STK11: variants seen among roughly 807,000 people sequenced by gnomAD.
STK11 encodes the protein serine/threonine kinase 11.
A neutral mutation model predicts 47.3 loss-of-function variants in STK11; 8 were observed. That is an observed-to-expected ratio of 0.17 (90% CI 0.10 to 0.31). The LOEUF (loss-of-function observed/expected upper bound fraction) is 0.31, where lower values mean the gene tolerates loss of function less well. STK11 is among the 10% of genes least tolerant of loss of function. The pLI, the probability that STK11 is intolerant of heterozygous loss-of-function variation, is 1.00. For missense variants in STK11, 475 were observed against 605.0 expected (o/e 0.79, Z 2.25); for synonymous variants, 330 against 255.8 (o/e 1.29, Z -2.77).
chr19:1,223,899 G>T, intron 8 of STK11: 1 of 1,015,574 alleles, frequency 9.8e-7, no homozygotes. Flanking sequence ...TGCTTGCTGC[G>T]CTCGGGCTGG....
intron 9 of STK11, chr19:1,227,008 TGCTGG>T (rs1475382120): frequency 3.3e-6 from 1 of 299,138 alleles, no homozygotes; most frequent in African/African-American, 2.3e-5. Flanking sequence ...GAAAGGCTTA[TGCTGG>T]GCTCAGCCCA....
intron 5 of STK11, 57 bp from the exon 6 acceptor site, chr19:1,221,156 C>T (rs142301129): frequency 2.4e-5 from 38 of 1,601,288 alleles, no homozygotes; most frequent in Non-Finnish European, 3.1e-5. Flanking sequence ...GCTGGGGCTC[C>T]TAGGGCGTCA....
rs112601969 is a variant in STK11, at chr19:1,226,880, A to C, written c.*16+217A>C. On this transcript the variant is annotated intron_variant, in intron 9 of 9. Coordinates refer to ENST00000326873, the MANE Select transcript of STK11 (RefSeq NM_000455.5). ...GCCAGCGTGCTGGTCATGGAGGCCTACGTGTGGCGGGGCTCTGGGGGGGCG... is the reference window on the plus strand; with the variant it reads ...GCCAGCGTGCTGGTCATGGAGGCCTCCGTGTGGCGGGGCTCTGGGGGGGCG... 3,778 of 573,126 alleles carry C rather than the reference A, an allele frequency of 6.6e-3. 104 individuals carry two copies. The African/African-American group carries it at 0.066, about 10-fold the overall frequency. The allele number at this position is 573,126 out of a possible 1,614,324, so 35.5% of individuals were successfully genotyped here. A position where few individuals can be genotyped will look rare whatever the true frequency, so the allele number is the denominator to read the frequency against.
At chr19:1,223,844 C>G in intron 8 of STK11, 4 of 1,026,252 alleles carry the variant, frequency 3.9e-6, no homozygotes, top group Non-Finnish European at 4.7e-6. Flanking sequence ...CGGCCCAGGG[C>G]TGGGCCGTGT....
chr19:1,207,223 GT>G lies in STK11; in HGVS notation c.290+21del. The G allele has an allele frequency of 5.1e-6, 8 of 1,582,608 alleles. No individual in the cohort carries two copies. Among genetic ancestry groups the G allele is most frequent in the Non-Finnish European group, 6.9e-6 (8 of 1,164,422 alleles). On this transcript the variant is annotated intron_variant, in intron 1 of 9. Transcript: ENST00000326873. ...GAAGAAGTAAGTATGGCTTGCTGGGGTCGGGGCCGGGCCGGGCCAGTCACGG... is the reference window on the plus strand; with the variant it reads ...GAAGAAGTAAGTATGGCTTGCTGGGGCGGGGCCGGGCCGGGCCAGTCACGG...
rs886054212 is a variant in STK11, at chr19:1,206,807, TC to T, written c.-106del. The T allele has an allele frequency of 2.7e-5, 37 of 1,374,270 alleles. No individual in the cohort carries two copies. Among genetic ancestry groups the T allele is most frequent in the East Asian group, 1.5e-4 (6 of 39,768 alleles). The allele number at this position is 1,374,270 out of a possible 1,614,324, so 85.1% of individuals were successfully genotyped here. ...TGGGGTTTTTGTTGCCTTTTTTTTT[TC>T]TTTTTTCTTTGTAAAATTTTGGAGA... On this transcript the variant is annotated 5_prime_UTR_variant, in exon 1 of 10. Coordinates refer to ENST00000326873, the MANE Select transcript of STK11 (RefSeq NM_000455.5).
intron 7 of STK11, among the ~76,000 whole-genome samples, chr19:1,222,430 G>A (rs749197379): frequency 6.6e-6 from 1 of 152,200 alleles, no homozygotes; most frequent in African/African-American, 2.4e-5. Context: ...CCACAGTGCC[G>A]CCTCCCTCAC....
intron 9 of STK11, chr19:1,226,909 C>T (rs1331680544): frequency 5.3e-5 from 27 of 508,202 alleles, no homozygotes; most frequent in Non-Finnish European, 8.1e-5. Flanking sequence ...GGGGGCGTGC[C>T]GTCCTCACAG....
intron 3 of STK11, among the ~76,000 whole-genome samples, chr19:1,219,788 G>A (rs1043134273): frequency 2.0e-5 from 3 of 152,094 alleles, no homozygotes; most frequent in East Asian, 1.9e-4. Flanking sequence ...CTCGTGATCC[G>A]CCTGCCTCAG....
chr19:1,223,904 G>A, intron 8 of STK11: 1 of 1,015,312 alleles, frequency 9.8e-7, no homozygotes, highest in Non-Finnish European at 1.2e-6. Flanking sequence ...GCTGCGCTCG[G>A]GCTGGAGCCT....
rs1478412153 is a variant in STK11, at chr19:1,207,071, A to G, written c.158A>G (p.Asp53Gly). Reference protein sequence around the residue: ...AKLIGKYLMGDLLGEGSYGKV... With the variant: ...AKLIGKYLMGGLLGEGSYGKV... ...CTCATCGGCAAGTACCTGATGGGGG[A>G]CCTGCTGGGGGAAGGCTCTTACGGC... The change falls in exon 1 of 10, where the codon GAC becomes GGC. Residue 53 changes from aspartate (D) to glycine (G), a missense_variant. This residue lies in a region of STK11 where 47 missense variants were observed against 103.7 expected (regional missense o/e 0.45). Transcript: ENST00000326873. The G allele has an allele frequency of 6.2e-7, 1 of 1,613,686 alleles. No homozygotes were observed. The highest frequency in any genetic ancestry group is 1.7e-5 in the Admixed American group (1 of 59,986).
chr19:1,226,520 T>C lies in STK11; in HGVS notation c.1175T>C (p.Met392Thr), dbSNP rs876661013. ...CGGGGCCTCCCCAAGGCCGTGTGTATGAACGGCACAGAGGCGGCGCAGCTG... is the reference window on the plus strand; with the variant it reads ...CGGGGCCTCCCCAAGGCCGTGTGTACGAACGGCACAGAGGCGGCGCAGCTG... ...QRRGLPKAVCMNGTEAAQLST... is the reference protein window; with the variant it reads ...QRRGLPKAVCTNGTEAAQLST... The change falls in exon 9 of 10, where the codon ATG becomes ACG. Residue 392 changes from methionine (M) to threonine (T), a missense_variant. Coordinates refer to ENST00000326873, the MANE Select transcript of STK11 (RefSeq NM_000455.5). The C allele has an allele frequency of 2.5e-6, 4 of 1,610,020 alleles. No individual in the cohort carries two copies. The South Asian group carries it at 3.3e-5, about 13-fold the overall frequency.
At chr19:1,215,505 A>G (rs1274638936) in intron 1 of STK11, among the ~76,000 whole-genome samples, 1 of 152,088 alleles carries the variant, frequency 6.6e-6, no homozygotes, top group Non-Finnish European at 1.5e-5. Context: ...CTTTCCCTTC[A>G]TCCTGCTCTC....
intron 1 of STK11, among the ~76,000 whole-genome samples, chr19:1,208,916 C>A (rs1037417278): frequency 6.6e-6 from 1 of 151,972 alleles, no homozygotes; most frequent in Non-Finnish European, 1.5e-5. Context: ...CCACCGCGCC[C>A]GGCCAGCACG....
At chr19:1,221,779 T>C in intron 6 of STK11, 170 bp from the exon 7 acceptor site, 1 of 715,010 alleles carries the variant, frequency 1.4e-6, no homozygotes. Context: ...CCCCGGCATG[T>C]CCCAGGAGTG....
intron 7 of STK11, among the ~76,000 whole-genome samples, chr19:1,222,214 C>T (rs1011140382): frequency 1.3e-5 from 2 of 152,224 alleles, no homozygotes; most frequent in African/African-American, 4.8e-5. Context: ...CTTGTCCGAA[C>T]TGGGGTCTGA....
At chr19:1,219,434 C>T (rs2145422633) in intron 3 of STK11, 21 bp downstream of exon 3, 5 of 1,180,188 alleles carry the variant, frequency 4.2e-6, no homozygotes, top group Middle Eastern at 2.4e-4. Context: ...GGGGCAGGGG[C>T]CAGGGTGGGG....
chr19:1,225,301 C>T (rs1389991102), intron 8 of STK11: 5 of 978,972 alleles, frequency 5.1e-6, no homozygotes, highest in Admixed American at 1.2e-4. Flanking sequence ...GAGACAGAGT[C>T]TTGCTCTGTC....
chr19:1,212,173 C>T (rs986989631), intron 1 of STK11, among the ~76,000 whole-genome samples: 4 of 148,948 alleles, frequency 2.7e-5, no homozygotes, highest in South Asian at 2.3e-4. Flanking sequence ...GGATCTGGGG[C>T]GCTGCTGTAG....
Sources: allele counts gnomAD v4.1 joint callset (sites outside exome capture counted in the v4.1 genomes callset), GRCh38; gene constraint gnomAD v4.1.1; regional missense constraint gnomAD v4.1.1; transcripts MANE v1.5; gene names NCBI Gene and HGNC (gene_info 2026-07-23, HGNC 2026-07-21).